The following PDSS2 variants were observed in gnomAD, a reference collection of about 807,000 sequenced individuals.
PDSS2 encodes decaprenyl diphosphate synthase subunit 2, also known as all trans-polyprenyl-diphosphate synthase PDSS2.
Under a neutral mutation model 44.5 loss-of-function variants are expected in PDSS2, and 31 were observed. That is an observed-to-expected ratio of 0.70 (90% CI 0.52 to 0.94). The LOEUF (loss-of-function observed/expected upper bound fraction) is 0.94, where lower values mean the gene tolerates loss of function less well. Among genes scored for constraint, PDSS2 ranks in the 40% least tolerant of loss-of-function variants. The pLI is 0.00. For synonymous variants in PDSS2, 157 were observed against 180.3 expected (o/e 0.87, Z 1.03); for missense variants, 452 against 482.2 (o/e 0.94, Z 0.59).
At chr6:107,286,603 G>T (rs937549176) in intron 2 of PDSS2, among the ~76,000 whole-genome samples, 1 of 151,880 alleles carries the variant, frequency 6.6e-6, no homozygotes, top group African/African-American at 2.4e-5. Flanking sequence ...ATAAACAAAA[G>T]ATTTATATTT....
intron 7 of PDSS2, among the ~76,000 whole-genome samples, chr6:107,189,315 C>T (rs1772285635): frequency 1.3e-5 from 2 of 151,816 alleles, no homozygotes; most frequent in African/African-American, 4.8e-5. Context: ...AAAGTGTTGG[C>T]CACTATACCC....
intron 7 of PDSS2, among the ~76,000 whole-genome samples, chr6:107,183,036 C>T (rs900996238): frequency 7.2e-5 from 11 of 151,808 alleles, no homozygotes; most frequent in Non-Finnish European, 1.5e-5. Flanking sequence ...TATAGTGATA[C>T]CTCTTCTCTA....
intron 7 of PDSS2, among the ~76,000 whole-genome samples, chr6:107,159,389 G>A (rs970458744): frequency 8.7e-5 from 13 of 149,920 alleles, no homozygotes; most frequent in African/African-American, 3.2e-4. Context: ...GGGAGAGAAA[G>A]CAAGCAAGCT....
chr6:107,310,730 G>A (rs2115113224), intron 2 of PDSS2, among the ~76,000 whole-genome samples: 1 of 152,188 alleles, frequency 6.6e-6, no homozygotes, highest in Non-Finnish European at 1.5e-5. Flanking sequence ...ATATCTGCAG[G>A]ACTGTCAGGT....
At chr6:107,387,181 C>T (rs934763028) in intron 1 of PDSS2, among the ~76,000 whole-genome samples, 1 of 152,144 alleles carries the variant, frequency 6.6e-6, no homozygotes, top group African/African-American at 2.4e-5. Flanking sequence ...GTTCATTGTT[C>T]CCCAGCTTCT....
chr6:107,155,401 C>T (rs1554245376), intron 7 of PDSS2, among the ~76,000 whole-genome samples: 1 of 151,782 alleles, frequency 6.6e-6, no homozygotes, highest in East Asian at 2.0e-4. Flanking sequence ...CCTGCCTAGG[C>T]TGCCCAAAGT....
At chr6:107,243,883 C>T (rs1439404953) in intron 4 of PDSS2, among the ~76,000 whole-genome samples, 1 of 152,150 alleles carries the variant, frequency 6.6e-6, no homozygotes, top group African/African-American at 2.4e-5. Flanking sequence ...AATCCCAGCA[C>T]TTTGGGAGGC....
At position 107,289,553 on chromosome 6, in the gene PDSS2, C is replaced by T. The variant is rs145687253; in HGVS notation, c.432-15326G>A. Among the ~76,000 whole-genome samples the T allele has an allele frequency of 2.0e-3, 298 of 151,790 alleles. 1 individual carries two copies. The highest frequency in any genetic ancestry group is 6.8e-3 in the African/African-American group (282 of 41,398). ...TCCCTAGAAAAAATATAAAAATTAG[C>T]TGGACGTGGTGGTGTGCCCTTGTCC... On this transcript the variant is annotated intron_variant, in intron 2 of 7. Transcript: ENST00000369037.
At chr6:107,248,389 G>A (rs1274752330) in intron 3 of PDSS2, among the ~76,000 whole-genome samples, 1 of 150,778 alleles carries the variant, frequency 6.6e-6, no homozygotes, top group East Asian at 1.9e-4. Flanking sequence ...AAGATTCCAG[G>A]ACTTTTGTTT....
intron 1 of PDSS2, among the ~76,000 whole-genome samples, chr6:107,378,420 T>C (rs1004335880): frequency 2.0e-5 from 3 of 152,148 alleles, no homozygotes; most frequent in African/African-American, 7.2e-5. Context: ...TTGTATGACA[T>C]AAGGCTAATG....
intron 1 of PDSS2, among the ~76,000 whole-genome samples, chr6:107,374,807 G>A (rs1779234456): frequency 6.6e-6 from 1 of 152,072 alleles, no homozygotes; most frequent in South Asian, 2.1e-4. Flanking sequence ...GGTTCCTGAG[G>A]TGCTAACCTT....
chr6:107,345,652 G>C (rs938407052), intron 1 of PDSS2, among the ~76,000 whole-genome samples: 4 of 151,904 alleles, frequency 2.6e-5, no homozygotes, highest in African/African-American at 7.3e-5. Flanking sequence ...GGCAAATTAG[G>C]GGGGAGGGGG....
chr6:107,210,549 A>G lies in PDSS2; in HGVS notation c.898T>C (p.Phe300Leu), dbSNP rs755494016. ...GAGTCACTGGTCTTTTCTTTAATAA[A>G]AGGCTGGACATCAGAATTTATCTAC... ...SHKINSDVQPFIKEKTSDSMT... is the reference protein window; with the variant it reads ...SHKINSDVQPLIKEKTSDSMT... The change falls in exon 6 of 8, where the codon TTT becomes CTT. Residue 300 changes from phenylalanine to leucine, a missense_variant. Physicochemically the swap from Phe to Leu is conservative, Grantham distance 22. Coordinates refer to ENST00000369037, the MANE Select transcript of PDSS2 (RefSeq NM_020381.4). 6.3e-7 allele frequency: 1 copy of G among 1,598,648 alleles called. No homozygotes were observed. The highest frequency in any genetic ancestry group is 8.6e-7 in the Non-Finnish European group (1 of 1,166,096).
At chr6:107,392,144 C>T (rs1263940716) in intron 1 of PDSS2, among the ~76,000 whole-genome samples, 1 of 152,096 alleles carries the variant, frequency 6.6e-6, no homozygotes, top group Non-Finnish European at 1.5e-5. Flanking sequence ...AAGGCTTCAC[C>T]TAAAACATAC....
intron 2 of PDSS2, among the ~76,000 whole-genome samples, chr6:107,331,444 C>A (rs541171221): frequency 1.3e-5 from 2 of 152,260 alleles, no homozygotes; most frequent in East Asian, 3.9e-4. Context: ...GTTTCATGTT[C>A]ACAACGTACC....
chr6:107,274,667 C>CTTTTTTTTTTTTTTTTT (rs5878910), intron 2 of PDSS2, among the ~76,000 whole-genome samples: 3 of 106,556 alleles, frequency 2.8e-5, no homozygotes, highest in Non-Finnish European at 1.9e-5. Flanking sequence ...ATCTCTCTCT[C>CTTTTTTTTTTTTTTTTT]TTTTTTTTTT....
rs571068264 is a variant in PDSS2, at chr6:107,224,926, T to TTGCAGTCATGCTGTTGGCCACGGC, written c.703-12668_703-12645dup. 3.1e-3 allele frequency among the ~76,000 whole-genome samples: 466 copies of TTGCAGTCATGCTGTTGGCCACGGC among 150,020 alleles called. 16 individuals carry two copies. The highest frequency in any genetic ancestry group is 0.011 in the African/African-American group (449 of 39,754). On this transcript the variant is annotated intron_variant, in intron 4 of 7. Coordinates refer to ENST00000369037, the MANE Select transcript of PDSS2 (RefSeq NM_020381.4). The stretch of plus-strand genomic sequence containing the variant: ...TTCTGGCTCATGGTTTCTCGTGAGG[T>TTGCAGTCATGCTGTTGGCCACGGC]TGCAGTCATGCTGTTGGCCACGGCT...
intron 7 of PDSS2, among the ~76,000 whole-genome samples, chr6:107,168,523 T>C (rs1554247953): frequency 6.6e-6 from 1 of 151,652 alleles, no homozygotes; most frequent in Non-Finnish European, 1.5e-5. Flanking sequence ...GTCATTATGA[T>C]GTTAGCTGGT....
intron 3 of PDSS2, among the ~76,000 whole-genome samples, chr6:107,266,412 C>T (rs1285748063): frequency 6.8e-6 from 1 of 147,574 alleles, no homozygotes; most frequent in Non-Finnish European, 1.5e-5. Flanking sequence ...CTGAAATTGA[C>T]CTGGTAGAGC....
Sources: allele counts gnomAD v4.1 joint callset (sites outside exome capture counted in the v4.1 genomes callset), GRCh38; gene constraint gnomAD v4.1.1; transcripts MANE v1.5; gene names NCBI Gene and HGNC (gene_info 2026-07-23, HGNC 2026-07-21).